Variants in ADRA1D observed in about 807,000 individuals in gnomAD.
ADRA1D encodes adrenoceptor alpha 1D.
A neutral mutation model predicts 18.6 loss-of-function variants in ADRA1D; 22 were observed. That is an observed-to-expected ratio of 1.19 (90% CI 0.85 to 1.69). The LOEUF (loss-of-function observed/expected upper bound fraction) is 1.69. ADRA1D is among the 40% of genes most tolerant of loss of function. ADRA1D has a pLI of 0.00. For synonymous variants in ADRA1D, 376 were observed against 388.2 expected, an observed-to-expected ratio of 0.97 and a Z score of 0.37; for missense variants, 840 against 840.7, an observed-to-expected ratio of 1.00 and a Z score of 0.01.
chr20:4,247,962 C>CGA lies in ADRA1D; in HGVS notation c.994_995dup (p.Leu333ArgfsTer46). On this transcript the variant is annotated frameshift_variant, in exon 1 of 2. Transcript: ENST00000379453. LOFTEE classifies it high-confidence loss of function. ...AGAACTTGAGCAGGCGCACGGAGAG[C>CGA]GAGCTGCGGAAGGTGTGGCCCTTGG... 6.3e-7 allele frequency: 1 copy of CGA among 1,589,844 alleles called. No homozygotes were observed.
chr20:4,222,052 A>G lies in ADRA1D; in HGVS notation c.1190T>C (p.Val397Ala). 1 of 1,612,282 alleles carries G rather than the reference A, an allele frequency of 6.2e-7. No homozygotes were observed. The highest frequency in any genetic ancestry group is 1.1e-5 in the South Asian group (1 of 91,004). ...IFWLGYFNSCVNPLIYPCSSR... is the reference protein window; with the variant it reads ...IFWLGYFNSCANPLIYPCSSR... ...GGAACAGGGGTAGATGAGCGGGTTCACGCAGCTGTTGAAGTAGCCGAGCCA... is the reference window on the plus strand; with the variant it reads ...GGAACAGGGGTAGATGAGCGGGTTCGCGCAGCTGTTGAAGTAGCCGAGCCA... The change falls in exon 2 of 2, where the codon GTG (valine) becomes GCG (alanine). Residue 397 changes from valine (V) to alanine (A), a missense_variant. Val to Ala is a moderately conservative substitution (Grantham distance 64). Coordinates refer to ENST00000379453, the MANE Select transcript of ADRA1D (RefSeq NM_000678.4). This position sits in a 1 kb window ranked among gnomAD's most constrained non-coding sequence, Gnocchi z 4.3.
rs375396926 is a variant in ADRA1D at position 4,248,520 on chromosome 20, G to A, written c.438C>T (p.Ser146=). ...TGGCCGAGAAGGGCAGTACGGTGGC[G>A]CTCAGCAGCAGGTCGGCCACGGCCA... ...VNLAVADLLL[S]ATVLPFSATM... is the part of the protein sequence containing the mutation. The change falls in exon 1 of 2, where the codon AGC becomes AGT. Residue 146 remains serine, a synonymous_variant. Transcript: ENST00000379453. The A allele has an allele frequency of 3.7e-6, 6 of 1,613,602 alleles. No individual in the cohort carries two copies. The highest frequency in any genetic ancestry group is 5.1e-6 in the Non-Finnish European group (6 of 1,179,894).
intron 1 of ADRA1D, among the ~76,000 whole-genome samples, chr20:4,241,041 AT>A (rs563256353): frequency 3.5e-4 from 52 of 150,112 alleles, no homozygotes; most frequent in Non-Finnish European, 6.5e-4. Context: ...CCTGTTAAAG[AT>A]TTTTTTTTTA....
Position 4,249,200 on chromosome 20 carries a change from C to T in ADRA1D, c.-243G>A. The T allele has an allele frequency of 1.7e-5, 3 of 172,854 alleles. No individual in the cohort carries two copies. Among genetic ancestry groups the T allele is most frequent in the Non-Finnish European group, 2.4e-5 (2 of 83,410 alleles). 10.7% of individuals were successfully genotyped at this position (172,854 alleles called of 1,614,324 possible). A position where few individuals can be genotyped will look rare whatever the true frequency, so the allele number is the denominator to read the frequency against. The stretch of plus-strand genomic sequence containing the variant: ...CACCGAAGAGCCGGGGCCCGCTACG[C>T]GCGCGGCGCTCTGAGCGTGCCCGGC... On this transcript the variant is annotated 5_prime_UTR_variant, in exon 1 of 2. Transcript: ENST00000379453.
chr20:4,239,420 A>G lies in ADRA1D; in HGVS notation c.1111+8427T>C, dbSNP rs188999044. On this transcript the variant is annotated intron_variant, in intron 1 of 1. Transcript: ENST00000379453. The surrounding 1 kb of genome is among the most constrained non-coding windows in gnomAD (Gnocchi z 4.9). The stretch of plus-strand genomic sequence containing the variant: ...TGTGTTTTTCTTCTACTGAAAATAA[A>G]ATGTACTTCCTAGATCTGTCCATTG... Among the ~76,000 whole-genome samples, 42 of 152,358 alleles carry G rather than the reference A, an allele frequency of 2.8e-4. No individual in the cohort carries two copies. Among genetic ancestry groups the G allele is most frequent in the Non-Finnish European group, 5.6e-4 (38 of 68,030 alleles).
At chr20:4,227,749 TC>T (rs1485718616) in intron 1 of ADRA1D, among the ~76,000 whole-genome samples, 4 of 126,798 alleles carry the variant, frequency 3.2e-5, no homozygotes, top group African/African-American at 1.2e-4. Flanking sequence ...CTTCCTTCCT[TC>T]TTCTCTCTCT....
Position 4,249,239 on chromosome 20 carries a change from G to A in ADRA1D, c.-282C>T, listed in dbSNP as rs1376893782. Among the ~76,000 whole-genome samples, 1 of 151,914 alleles carries A rather than the reference G, an allele frequency of 6.6e-6. No homozygotes were observed. The highest frequency in any genetic ancestry group is 1.5e-5 in the Non-Finnish European group (1 of 67,936). On this transcript the variant is annotated 5_prime_UTR_variant, in exon 1 of 2. Transcript: ENST00000379453. ...AGCGTGCCCGGCAAGCGGGCAAAGC[G>A]GCGGCTCCGGGGCCGGGCGGTGCAG...
At position 4,221,440 on chromosome 20, in the gene ADRA1D, G is replaced by C. The variant is rs572332608; in HGVS notation, c.*83C>G. 3 of 1,443,596 alleles carry C rather than the reference G, an allele frequency of 2.1e-6. No individual in the cohort carries two copies. The highest frequency in any genetic ancestry group is 1.4e-5 in the South Asian group (1 of 73,504). 89.4% of individuals were successfully genotyped at this position (1,443,596 alleles called of 1,614,324 possible). A position where few individuals can be genotyped will look rare whatever the true frequency, so the allele number is the denominator to read the frequency against. On this transcript the variant is annotated 3_prime_UTR_variant, in exon 2 of 2. Transcript: ENST00000379453. ...CAGTTTCCGGGTCTCCGATTTGCAC[G>C]GGGGCTCTTAGAACACCAGCCCGCC...
chr20:4,224,494 T>A (rs145599185), intron 1 of ADRA1D, among the ~76,000 whole-genome samples: 252 of 152,242 alleles, frequency 1.7e-3, no homozygotes, highest in Middle Eastern at 6.8e-3. Flanking sequence ...CAGAGGCCAC[T>A]CTTTCAACCT....
intron 1 of ADRA1D, among the ~76,000 whole-genome samples, chr20:4,244,018 C>A (rs1006025236): frequency 6.6e-5 from 10 of 152,194 alleles, no homozygotes; most frequent in Non-Finnish European, 4.4e-5. Context: ...TTCAGGACAG[C>A]CCTCCTGTGG....
intron 1 of ADRA1D, among the ~76,000 whole-genome samples, chr20:4,242,917 G>T (rs1005012646): frequency 6.7e-6 from 1 of 149,546 alleles, no homozygotes; most frequent in African/African-American, 2.5e-5. Flanking sequence ...CCACCTCTGG[G>T]CGTGGCTGGG....
Position 4,248,585 on chromosome 20 carries a change from G to A in ADRA1D, c.373C>T (p.Arg125Cys). 6.2e-7 allele frequency: 1 copy of A among 1,613,690 alleles called. No homozygotes were observed. Among genetic ancestry groups the A allele is most frequent in the Non-Finnish European group, 8.5e-7 (1 of 1,179,948 alleles). The change falls in exon 1 of 2, where the codon CGC (arginine) becomes TGC (cysteine). Residue 125 changes from arginine to cysteine, a missense_variant. Transcript: ENST00000379453. ...LLVILSVACNRHLQTVTNYFI... is the reference protein window; with the variant it reads ...LLVILSVACNCHLQTVTNYFI... ...TAGTTGGTGACGGTCTGCAGGTGGC[G>A]GTTGCAGGCCACTGAGAGGATGACA...
At position 4,248,433 on chromosome 20, in the gene ADRA1D, C is replaced by T. The variant is rs762494363; in HGVS notation, c.525G>A (p.Val175=). Residue 175 remains valine, a synonymous_variant, in exon 1 of 2, where the codon GTG becomes GTA. Transcript: ENST00000379453. ...TGGAGGCCGTGCAGCACAGCACGTC[C>T]ACGGCGGCCCATACGTCGCAGAAGG... ...GRAFCDVWAA[V]DVLCCTASIL... is the part of the protein sequence containing the mutation. The T allele has an allele frequency of 6.2e-7, 1 of 1,611,602 alleles. No homozygotes were observed. The highest frequency in any genetic ancestry group is 8.5e-7 in the Non-Finnish European group (1 of 1,179,024).
At chr20:4,241,345 A>G (rs1413975813) in intron 1 of ADRA1D, among the ~76,000 whole-genome samples, 1 of 152,220 alleles carries the variant, frequency 6.6e-6, no homozygotes, top group Non-Finnish European at 1.5e-5. Flanking sequence ...GTATCACATG[A>G]TATGTATCCA....
rs575889599 is a variant in ADRA1D, at chr20:4,248,033, G to C, written c.925C>G (p.Arg309Gly). The C allele has an allele frequency of 2.4e-5, 38 of 1,551,168 alleles. No homozygotes were observed. In the South Asian group the frequency reaches 3.3e-4, roughly 14 times the overall value. Residue 309 changes from arginine to glycine, a missense_variant, in exon 1 of 2, where the codon CGC becomes GGC. Coordinates refer to ENST00000379453, the MANE Select transcript of ADRA1D (RefSeq NM_000678.4). ...CCGTCGGCGCCCGTGGCCGCGCCGC[G>C]ACAGTGGATGCGCAGCACCACCTCG... ...ASEVVLRIHCRGAATGADGAH... is the reference protein window; with the variant it reads ...ASEVVLRIHCGGAATGADGAH...
chr20:4,244,062 G>A (rs1437616242), intron 1 of ADRA1D, among the ~76,000 whole-genome samples: 2 of 152,252 alleles, frequency 1.3e-5, no homozygotes, highest in East Asian at 1.9e-4. Flanking sequence ...AGCATTCCAG[G>A]TTTACAGGTG....
chr20:4,221,449 T>C lies in ADRA1D; in HGVS notation c.*74A>G. ...GGTCTCCGATTTGCACGGGGGCTCT[T>C]AGAACACCAGCCCGCCTCTCTGGTC... On this transcript the variant is annotated 3_prime_UTR_variant, in exon 2 of 2. Transcript: ENST00000379453. 1 of 1,496,164 alleles carries C rather than the reference T, an allele frequency of 6.7e-7. No homozygotes were observed. Among genetic ancestry groups the C allele is most frequent in the Non-Finnish European group, 9.0e-7 (1 of 1,109,306 alleles). The allele number at this position is 1,496,164 out of a possible 1,614,324, so 92.7% of individuals were successfully genotyped here.
Position 4,221,474 on chromosome 20 carries a change from C to T in ADRA1D, c.*49G>A, listed in dbSNP as rs774826741. The stretch of plus-strand genomic sequence containing the variant: ...TAGAACACCAGCCCGCCTCTCTGGT[C>T]CCCCTTACCCCCAAGCCCAGCACAC... On this transcript the variant is annotated 3_prime_UTR_variant, in exon 2 of 2. Transcript: ENST00000379453. The T allele has an allele frequency of 1.9e-6, 3 of 1,540,680 alleles. No homozygotes were observed. Among genetic ancestry groups the T allele is most frequent in the Non-Finnish European group, 2.6e-6 (3 of 1,140,668 alleles).
At chr20:4,247,028 ACTC>A (rs1465021717) in intron 1 of ADRA1D, among the ~76,000 whole-genome samples, 9 of 151,744 alleles carry the variant, frequency 5.9e-5, no homozygotes, top group Non-Finnish European at 1.0e-4. Flanking sequence ...TTCCCCCACT[ACTC>A]CTTGCACTGG....
Sources: gnomAD v4.1 joint callset for allele counts (sites outside exome capture counted in the v4.1 genomes callset) on GRCh38, gnomAD v4.1.1 for gene constraint, Gnocchi (gnomAD v3.1) non-coding constraint, MANE v1.5 for transcripts, NCBI Gene and HGNC (gene_info 2026-07-23, HGNC 2026-07-21) for gene names.